Variants in GABRA5 observed in about 807,000 individuals in gnomAD.
GABRA5 encodes gamma-aminobutyric acid type A receptor subunit alpha5.
A neutral mutation model predicts 47.3 loss-of-function variants in GABRA5; 18 were observed. That is an observed-to-expected ratio of 0.38 (90% CI 0.26 to 0.56). GABRA5 has a LOEUF of 0.56. Among genes scored for constraint, GABRA5 ranks in the 20% least tolerant of loss-of-function variants. The probability of loss-of-function intolerance (pLI) is 0.71; values close to 1 mark genes in which losing one functional copy is unlikely to be tolerated. For synonymous variants in GABRA5, 237 were observed against 229.3 expected (o/e 1.03, Z -0.30); for missense variants, 365 against 599.3 (o/e 0.61, Z 4.08).
At chr15:26,926,059 A>C (rs1235096049) in intron 7 of GABRA5, among the ~76,000 whole-genome samples, 1 of 152,172 alleles carries the variant, frequency 6.6e-6, no homozygotes, top group African/African-American at 2.4e-5. Flanking sequence ...CTGCTTTAAT[A>C]GTTCCAGGCT....
At chr15:26,929,889 C>T (rs1894050470) in intron 7 of GABRA5, among the ~76,000 whole-genome samples, 1 of 152,190 alleles carries the variant, frequency 6.6e-6, no homozygotes, top group South Asian at 2.1e-4. Flanking sequence ...GTCCTTTGGC[C>T]ACACCCATCC....
chr15:26,919,806 T>C (rs1407167698), intron 7 of GABRA5, among the ~76,000 whole-genome samples: 1 of 152,188 alleles, frequency 6.6e-6, no homozygotes, highest in Non-Finnish European at 1.5e-5. Flanking sequence ...GCAAGTCAGG[T>C]CTAGTGGTTT....
intron 6 of GABRA5, among the ~76,000 whole-genome samples, chr15:26,905,109 C>A (rs1893413270): frequency 1.3e-5 from 2 of 151,964 alleles, no homozygotes; most frequent in Admixed American, 6.6e-5. Context: ...ATAGATGGCT[C>A]TTATTATTTT....
chr15:26,937,724 A>G (rs1370620789), intron 8 of GABRA5, among the ~76,000 whole-genome samples: 1 of 152,258 alleles, frequency 6.6e-6, no homozygotes, highest in African/African-American at 2.4e-5. Context: ...CAGGCAGCCT[A>G]CAGAGAAGAG....
At chr15:26,922,537 G>T (rs1893867475) in intron 7 of GABRA5, among the ~76,000 whole-genome samples, 1 of 152,010 alleles carries the variant, frequency 6.6e-6, no homozygotes, top group Non-Finnish European at 1.5e-5. Flanking sequence ...TCTTTTAATT[G>T]ATATATTTAC....
intron 6 of GABRA5, among the ~76,000 whole-genome samples, chr15:26,905,299 C>T (rs1221444322): frequency 6.6e-6 from 1 of 151,118 alleles, no homozygotes; most frequent in Non-Finnish European, 1.5e-5. Context: ...TTTCTTTCAG[C>T]ACATTTAGTA....
chr15:26,920,151 T>A (rs940364177), intron 7 of GABRA5, among the ~76,000 whole-genome samples: 1 of 151,910 alleles, frequency 6.6e-6, no homozygotes, highest in Non-Finnish European at 1.5e-5. Context: ...GGTTTGGAAA[T>A]TTTCAGCCAT....
chr15:26,882,572 A>G (rs1375002946), intron 4 of GABRA5, among the ~76,000 whole-genome samples: 2 of 152,142 alleles, frequency 1.3e-5, no homozygotes, highest in Non-Finnish European at 2.9e-5. Flanking sequence ...CCTATTTCCA[A>G]TAATTTTGTT....
At chr15:26,893,485 G>T (rs1325084624) in intron 6 of GABRA5, among the ~76,000 whole-genome samples, 2 of 151,906 alleles carry the variant, frequency 1.3e-5, no homozygotes, top group Non-Finnish European at 2.9e-5. Flanking sequence ...TATGAGCAGG[G>T]CACGGCCTGG....
chr15:26,943,269 T>C lies in GABRA5; in HGVS notation c.932T>C (p.Leu311Pro). ...CTCAGCATCAGCGCCAGGAACTCTC[T>C]GCCCAAAGTGGCCTACGCCACCGCC... ...TTLSISARNS[L>P]PKVAYATAMD... The change falls in exon 10 of 11, where the codon CTG (leucine) becomes CCG (proline). Residue 311 changes from leucine to proline, a missense_variant. Transcript: ENST00000335625. The C allele has an allele frequency of 1.3e-6, 2 of 1,569,228 alleles. No homozygotes were observed. Among genetic ancestry groups the C allele is most frequent in the Non-Finnish European group, 1.7e-6 (2 of 1,157,310 alleles).
At chr15:26,941,276 C>T (rs1255680189) in intron 9 of GABRA5, among the ~76,000 whole-genome samples, 1 of 152,030 alleles carries the variant, frequency 6.6e-6, no homozygotes, top group Non-Finnish European at 1.5e-5. Flanking sequence ...AGAAAAAAAG[C>T]TGGGAGGGTA....
intron 3 of GABRA5, among the ~76,000 whole-genome samples, 194 bp downstream of exon 3, chr15:26,869,528 G>T (rs2075715): frequency 6.6e-6 from 1 of 152,184 alleles, no homozygotes; most frequent in Non-Finnish European, 1.5e-5. Context: ...TGCTCCTCAC[G>T]TGGGGTCTCT....
rs574642752 is a variant in GABRA5, at chr15:26,892,179, T to C, written c.497+8622T>C. ...GGAGTTTTTGTGGTCTTCACTCCTATGATTTGCACTGTCTGAAACGGTGAC... is the reference window on the plus strand; with the variant it reads ...GGAGTTTTTGTGGTCTTCACTCCTACGATTTGCACTGTCTGAAACGGTGAC... On this transcript the variant is annotated intron_variant, in intron 6 of 10. Coordinates refer to ENST00000335625, the MANE Select transcript of GABRA5 (RefSeq NM_000810.4). Among the ~76,000 whole-genome samples, 3 of 152,400 alleles carry C rather than the reference T, an allele frequency of 2.0e-5. No homozygotes were observed. In the South Asian group the frequency reaches 6.2e-4, roughly 32 times the overall value.
chr15:26,905,590 G>C (rs534922522), intron 6 of GABRA5, among the ~76,000 whole-genome samples: 3 of 151,298 alleles, frequency 2.0e-5, no homozygotes, highest in Admixed American at 1.3e-4. Flanking sequence ...TTTTTCTCTT[G>C]TTCTGGGATT....
intron 6 of GABRA5, among the ~76,000 whole-genome samples, chr15:26,897,265 G>T (rs920626801): frequency 1.3e-5 from 2 of 152,122 alleles, no homozygotes. Flanking sequence ...AAATGAATTT[G>T]AGGTCATTAG....
At position 26,936,384 on chromosome 15, in the gene GABRA5, C is replaced by T. The variant is rs147365061; in HGVS notation, c.581-801C>T. ...TCTTTTAGAGGTTGCCCACTCTCCT[C>T]GGCTTATGGCCCCCCTTACCCCATC... On this transcript the variant is annotated intron_variant, in intron 7 of 10. Transcript: ENST00000335625. 6.6e-3 allele frequency among the ~76,000 whole-genome samples: 1,005 copies of T among 152,272 alleles called. 7 individuals carry two copies. Among genetic ancestry groups the T allele is most frequent in the African/African-American group, 0.023 (958 of 41,540 alleles).
At chr15:26,943,493 A>G in intron 10 of GABRA5, 67 bp downstream of exon 10, 1 of 1,387,532 alleles carries the variant, frequency 7.2e-7, no homozygotes, top group African/African-American at 1.4e-5. Flanking sequence ...GATTCTATCC[A>G]AACATGAGAC....
At chr15:26,868,500 C>T (rs1000562869) in intron 1 of GABRA5, among the ~76,000 whole-genome samples, 1 of 152,178 alleles carries the variant, frequency 6.6e-6, no homozygotes, top group Non-Finnish European at 1.5e-5. Context: ...GAAGGTTAGT[C>T]GTTGAGCCCA....
At chr15:26,879,478 T>C (rs559730721) in intron 3 of GABRA5, among the ~76,000 whole-genome samples, 2 of 152,332 alleles carry the variant, frequency 1.3e-5, no homozygotes, top group Admixed American at 6.5e-5. Context: ...GTTAAAAAAG[T>C]ATACATCTGT....
Sources: gnomAD v4.1 joint callset for allele counts (sites outside exome capture counted in the v4.1 genomes callset) on GRCh38, gnomAD v4.1.1 for gene constraint, MANE v1.5 for transcripts, NCBI Gene and HGNC (gene_info 2026-07-23, HGNC 2026-07-21) for gene names.